Variants in GRIK2 observed in about 807,000 individuals in gnomAD.
GRIK2 encodes glutamate receptor ionotropic, kainate 2.
Under a neutral mutation model 100.3 loss-of-function variants are expected in GRIK2, and 32 were observed. The observed-to-expected ratio is 0.32, with a 90% CI of 0.24 to 0.43. The LOEUF (loss-of-function observed/expected upper bound fraction) is 0.43, where lower values mean the gene tolerates loss of function less well. Among genes scored for constraint, GRIK2 ranks in the 20% least tolerant of loss-of-function variants. The pLI, the probability that GRIK2 is intolerant of heterozygous loss-of-function variation, is 1.00. For synonymous variants in GRIK2, 417 were observed against 389.4 expected (o/e 1.07, Z -0.83); for missense variants, 843 against 1,114.9 (o/e 0.76, Z 3.47).
At chr6:101,615,342 A>G (rs1329348581) in intron 2 of GRIK2, among the ~76,000 whole-genome samples, 1 of 151,820 alleles carries the variant, frequency 6.6e-6, no homozygotes, top group African/African-American at 2.4e-5. Flanking sequence ...GAACCTAAAA[A>G]GTTCAAGGTA....
chr6:101,666,721 C>A (rs1206864487), intron 4 of GRIK2, among the ~76,000 whole-genome samples: 3 of 152,154 alleles, frequency 2.0e-5, no homozygotes, highest in Non-Finnish European at 4.4e-5. Context: ...AAGAGATATG[C>A]CAGCGTACAG....
At chr6:101,573,060 G>A (rs959302964) in intron 2 of GRIK2, among the ~76,000 whole-genome samples, 7 of 151,604 alleles carry the variant, frequency 4.6e-5, no homozygotes, top group Non-Finnish European at 7.4e-5. Flanking sequence ...TGGCCAGGCC[G>A]GTCTCAAACT....
intron 7 of GRIK2, among the ~76,000 whole-genome samples, chr6:101,721,857 T>G (rs1774508622): frequency 6.6e-6 from 1 of 151,994 alleles, no homozygotes; most frequent in Non-Finnish European, 1.5e-5. Flanking sequence ...CTTTAAGAAA[T>G]TACTTCTCAC....
chr6:101,618,499 T>A (rs1234558903), intron 2 of GRIK2, among the ~76,000 whole-genome samples: 5 of 151,836 alleles, frequency 3.3e-5, no homozygotes, highest in African/African-American at 7.2e-5. Context: ...TTTGCTTTTT[T>A]AATTATACTT....
At chr6:101,932,916 G>C (rs749913057) in intron 14 of GRIK2, among the ~76,000 whole-genome samples, 2 of 151,854 alleles carry the variant, frequency 1.3e-5, no homozygotes, top group Non-Finnish European at 2.9e-5. Context: ...TTCTACACCA[G>C]GGTGACAGTG....
chr6:101,565,045 G>A (rs1289783424), intron 2 of GRIK2, among the ~76,000 whole-genome samples: 1 of 152,056 alleles, frequency 6.6e-6, no homozygotes, highest in Non-Finnish European at 1.5e-5. Flanking sequence ...TAAGATTTAG[G>A]AGGAATATAT....
intron 8 of GRIK2, 102 bp from the exon 9 acceptor site, chr6:101,802,229 G>A (rs1004265410): frequency 4.6e-6 from 2 of 432,602 alleles, no homozygotes; most frequent in Admixed American, 4.0e-5. Flanking sequence ...CTCTAGCAAT[G>A]TAAACTGAAA....
intron 2 of GRIK2, among the ~76,000 whole-genome samples, chr6:101,561,067 G>A (rs544880217): frequency 6.6e-6 from 1 of 152,248 alleles, no homozygotes; most frequent in Non-Finnish European, 1.5e-5. Flanking sequence ...AGCAAACATA[G>A]ACCCCAGCAG....
intron 10 of GRIK2, among the ~76,000 whole-genome samples, chr6:101,829,701 CTT>C (rs1317488338): frequency 6.6e-6 from 1 of 151,732 alleles, no homozygotes; most frequent in Admixed American, 6.6e-5. Flanking sequence ...TGCGAAATGT[CTT>C]TATGAGGAGC....
At chr6:101,560,205 T>G (rs1419807135) in intron 2 of GRIK2, among the ~76,000 whole-genome samples, 1 of 152,096 alleles carries the variant, frequency 6.6e-6, no homozygotes, top group African/African-American at 2.4e-5. Context: ...CAAGAGACTG[T>G]GGTAGATTGT....
intron 14 of GRIK2, among the ~76,000 whole-genome samples, chr6:101,948,922 T>C (rs973998901): frequency 6.6e-6 from 1 of 152,202 alleles, no homozygotes; most frequent in Non-Finnish European, 1.5e-5. Flanking sequence ...AATTTTGACA[T>C]GGCAGTTACT....
chr6:101,809,578 T>A (rs1781203692), intron 9 of GRIK2, among the ~76,000 whole-genome samples: 1 of 152,044 alleles, frequency 6.6e-6, no homozygotes, highest in Admixed American at 6.6e-5. Context: ...ATTTGATACA[T>A]ATACCCAGTG....
chr6:101,525,908 G>A (rs1037604341), intron 2 of GRIK2, among the ~76,000 whole-genome samples: 1 of 152,148 alleles, frequency 6.6e-6, no homozygotes, highest in Non-Finnish European at 1.5e-5. Context: ...ATACTGTGAT[G>A]AATAAAATGG....
At chr6:101,841,863 C>T (rs1783525980) in intron 10 of GRIK2, among the ~76,000 whole-genome samples, 1 of 152,024 alleles carries the variant, frequency 6.6e-6, no homozygotes, top group Admixed American at 6.6e-5. Flanking sequence ...AATTAGTTGA[C>T]ACTTGGTACC....
chr6:102,009,627 A>T (rs1229608279), intron 14 of GRIK2, among the ~76,000 whole-genome samples: 1 of 152,192 alleles, frequency 6.6e-6, no homozygotes, highest in Admixed American at 6.5e-5. Context: ...AAAACTTTAT[A>T]TACAAAAAGT....
chr6:101,995,129 A>C (rs909682243), intron 14 of GRIK2, among the ~76,000 whole-genome samples: 1 of 151,904 alleles, frequency 6.6e-6, no homozygotes, highest in Non-Finnish European at 1.5e-5. Context: ...AAATGAACCC[A>C]TGGTAGTTCC....
chr6:101,540,549 A>G (rs1160177514), intron 2 of GRIK2, among the ~76,000 whole-genome samples: 1 of 151,948 alleles, frequency 6.6e-6, no homozygotes, highest in East Asian at 1.9e-4. Context: ...TGAAAAATTA[A>G]AAAAAGGAAA....
At chr6:101,743,028 G>T (rs1302425741) in intron 7 of GRIK2, among the ~76,000 whole-genome samples, 1 of 152,156 alleles carries the variant, frequency 6.6e-6, no homozygotes, top group Non-Finnish European at 1.5e-5. Flanking sequence ...ATCTATACGA[G>T]CATAGTCAAG....
At position 101,426,424 on chromosome 6, in the gene GRIK2, C is replaced by A. The variant is rs577933865; in HGVS notation, c.115+27032C>A. On this transcript the variant is annotated intron_variant, in intron 2 of 16. Transcript: ENST00000369134. Reference sequence around the variant, plus strand: ...CGCTATTGAACACTAGAACTTATTTCTTCTATCTAACTGTATTTTTGTATC... The same window carrying A: ...CGCTATTGAACACTAGAACTTATTTATTCTATCTAACTGTATTTTTGTATC... Among the ~76,000 whole-genome samples the A allele has an allele frequency of 1.3e-3, 193 of 152,240 alleles. 1 individual carries two copies. Among genetic ancestry groups the A allele is most frequent in the African/African-American group, 4.4e-3 (183 of 41,564 alleles).
Sources: gnomAD v4.1 joint callset for allele counts (sites outside exome capture counted in the v4.1 genomes callset) on GRCh38, gnomAD v4.1.1 for gene constraint, MANE v1.5 for transcripts, NCBI Gene and HGNC (gene_info 2026-07-23, HGNC 2026-07-21) for gene names.